The following TENM3 variants were observed in gnomAD, a reference collection of about 807,000 sequenced individuals.
TENM3 encodes teneurin-3.
A neutral mutation model predicts 255.1 loss-of-function variants in TENM3; 63 were observed. The observed-to-expected ratio is 0.25, with a 90% CI of 0.20 to 0.30. The LOEUF (loss-of-function observed/expected upper bound fraction) is 0.30. Ranked by LOEUF, TENM3 falls within the 10% of genes least tolerant of loss-of-function variation. The pLI, the probability that TENM3 is intolerant of heterozygous loss-of-function variation, is 1.00. For missense variants in TENM3, 2,929 were observed against 3,461.1 expected, an observed-to-expected ratio of 0.85 and a Z score of 3.86; for synonymous variants, 1,306 against 1,322.3, an observed-to-expected ratio of 0.99 and a Z score of 0.27.
At chr4:181,856,702 T>G in the TENM3 span, among the ~76,000 whole-genome samples, 1 of 152,192 alleles carries the variant, frequency 6.6e-6, no homozygotes, top group South Asian at 2.1e-4. Flanking sequence ...CCTGTGTGAT[T>G]CCCTGGGCAG....
the TENM3 span, among the ~76,000 whole-genome samples, chr4:181,510,521 A>G: frequency 2.0e-5 from 3 of 152,150 alleles, no homozygotes; most frequent in Non-Finnish European, 4.4e-5. Context: ...CCTACTAAAG[A>G]TAGATAAAAT....
the TENM3 span, among the ~76,000 whole-genome samples, chr4:181,475,914 C>A: frequency 1.3e-5 from 2 of 152,202 alleles, no homozygotes; most frequent in African/African-American, 4.8e-5. Context: ...CAAGGGGCAC[C>A]GGGTTCACCC....
the TENM3 span, among the ~76,000 whole-genome samples, chr4:182,022,030 C>T: frequency 6.6e-6 from 1 of 152,098 alleles, no homozygotes; most frequent in Non-Finnish European, 1.5e-5. Context: ...CCCAGTAGTT[C>T]CATTACTGGG....
the TENM3 span, among the ~76,000 whole-genome samples, chr4:181,470,930 T>C: frequency 6.6e-6 from 1 of 152,164 alleles, no homozygotes; most frequent in Non-Finnish European, 1.5e-5. Flanking sequence ...GTTACTACCT[T>C]ACCTTTTGAC....
chr4:182,543,404 A>G (rs1028169586), intron 3 of TENM3, among the ~76,000 whole-genome samples: 1 of 152,182 alleles, frequency 6.6e-6, no homozygotes, highest in East Asian at 1.9e-4. Context: ...CATTGCTTCT[A>G]TTTGGAGGTT....
At chr4:182,690,856 A>T (rs191643229) in intron 12 of TENM3, among the ~76,000 whole-genome samples, 1 of 152,354 alleles carries the variant, frequency 6.6e-6, no homozygotes, top group East Asian at 1.9e-4. Context: ...AAACCCTGCA[A>T]TAGTTCTTAA....
chr4:182,046,623 G>A, the TENM3 span, among the ~76,000 whole-genome samples: 4 of 151,930 alleles, frequency 2.6e-5, no homozygotes, highest in East Asian at 5.8e-4. Context: ...CTAGATACTC[G>A]AGAGGCTGAG....
chr4:182,174,859 C>T (rs1752356332), intron 1 of TENM3, among the ~76,000 whole-genome samples: 1 of 152,070 alleles, frequency 6.6e-6, no homozygotes, highest in Non-Finnish European at 1.5e-5. Context: ...AAGGGAAAAA[C>T]ATTTTTATTT....
the TENM3 span, among the ~76,000 whole-genome samples, chr4:181,703,651 T>C: frequency 3.4e-4 from 52 of 152,276 alleles, 1 homozygote; most frequent in African/African-American, 1.1e-3. Context: ...TTCCTCCTTA[T>C]AACAGCTGAG....
intron 1 of TENM3, among the ~76,000 whole-genome samples, chr4:182,252,796 G>A (rs1181882436): frequency 7.1e-6 from 1 of 140,948 alleles, no homozygotes; most frequent in African/African-American, 2.5e-5. Flanking sequence ...AGTGCCAGGA[G>A]CTTCACCGTG....
chr4:181,596,331 C>T, the TENM3 span, among the ~76,000 whole-genome samples: 15 of 152,254 alleles, frequency 9.9e-5, no homozygotes, highest in East Asian at 1.4e-3. Flanking sequence ...CAAGCTTGCA[C>T]GGTTTGTTTG....
At position 182,524,840 on chromosome 4, in the gene TENM3, C is replaced by CA. The variant is rs11354238; in HGVS notation, c.512-76069dup. 5.0e-4 allele frequency among the ~76,000 whole-genome samples: 62 copies of CA among 122,894 alleles called. No homozygotes were observed. In the East Asian group the frequency reaches 7.3e-3, roughly 14 times the overall value. 80.6% of individuals were successfully genotyped at this position (122,894 alleles called of 152,430 possible). On this transcript the variant is annotated intron_variant, in intron 3 of 27. Coordinates refer to ENST00000511685, the MANE Select transcript of TENM3 (RefSeq NM_001080477.4). Reference sequence around the variant, plus strand: ...GAGACATAGTAAAACTCTGTCTCTACAAAAAAAAAAAAAAAGAAAAGAAAA... The same window carrying CA: ...GAGACATAGTAAAACTCTGTCTCTACAAAAAAAAAAAAAAAAGAAAAGAAAA...
intron 22 of TENM3, among the ~76,000 whole-genome samples, chr4:182,758,643 T>C (rs1462519457): frequency 6.6e-6 from 1 of 152,174 alleles, no homozygotes; most frequent in Non-Finnish European, 1.5e-5. Flanking sequence ...GTCTGTAATA[T>C]TTCCCTTCAT....
intron 3 of TENM3, among the ~76,000 whole-genome samples, chr4:182,481,262 T>C (rs1734170999): frequency 6.6e-6 from 1 of 152,200 alleles, no homozygotes; most frequent in Non-Finnish European, 1.5e-5. Context: ...AAAGTCCAGA[T>C]ATAAACCTAA....
At chr4:181,862,792 A>G in the TENM3 span, among the ~76,000 whole-genome samples, 1 of 152,266 alleles carries the variant, frequency 6.6e-6, no homozygotes, top group African/African-American at 2.4e-5. Context: ...TCCAGTTTAG[A>G]GCAATAGAGC....
chr4:182,193,979 T>A (rs1443958862), intron 1 of TENM3, among the ~76,000 whole-genome samples: 1 of 152,194 alleles, frequency 6.6e-6, no homozygotes, highest in Non-Finnish European at 1.5e-5. Flanking sequence ...TCAAATGGCG[T>A]CCACAACTTC....
At chr4:181,722,322 T>C in the TENM3 span, among the ~76,000 whole-genome samples, 1 of 152,172 alleles carries the variant, frequency 6.6e-6, no homozygotes, top group African/African-American at 2.4e-5. Flanking sequence ...GTGAAACTCC[T>C]AGGTGAAATT....
At chr4:182,384,321 T>TTC (rs1297885147) in intron 3 of TENM3, among the ~76,000 whole-genome samples, 1 of 151,810 alleles carries the variant, frequency 6.6e-6, no homozygotes, top group Non-Finnish European at 1.5e-5. Context: ...GTTTTTTTTT[T>TTC]TTTCTTGAAA....
At chr4:182,091,476 G>A in the TENM3 span, among the ~76,000 whole-genome samples, 16 of 152,274 alleles carry the variant, frequency 1.1e-4, no homozygotes, top group South Asian at 4.2e-4. Flanking sequence ...GAGGCCAGGC[G>A]AACTAAAGGA....
Sources: gnomAD v4.1 joint callset for allele counts (sites outside exome capture counted in the v4.1 genomes callset) on GRCh38, gnomAD v4.1.1 for gene constraint, MANE v1.5 for transcripts, NCBI Gene and HGNC (gene_info 2026-07-23, HGNC 2026-07-21) for gene names.